Variants in CHST8 observed in about 807,000 individuals in gnomAD.
CHST8 encodes GALNAC-4-ST1.
Under a neutral mutation model 15.0 loss-of-function variants are expected in CHST8, and 10 were observed. That is an observed-to-expected ratio of 0.67 (90% confidence interval 0.41 to 1.13). CHST8 has a LOEUF of 1.13. Among genes scored for constraint, CHST8 ranks in the 50% most tolerant of loss-of-function variants. The pLI is 0.00. For synonymous variants in CHST8, 259 were observed against 256.6 expected, an observed-to-expected ratio of 1.01 and a Z score of -0.09; for missense variants, 634 against 608.2, an observed-to-expected ratio of 1.04 and a Z score of -0.45.
At chr19:33,705,622 G>A (rs918007973) in intron 3 of CHST8, among the ~76,000 whole-genome samples, 10 of 152,206 alleles carry the variant, frequency 6.6e-5, no homozygotes, top group Non-Finnish European at 4.4e-5. Context: ...GTGGGTGCCC[G>A]TGGGTGTAAA....
chr19:33,757,573 A>G (rs558977636), intron 3 of CHST8, among the ~76,000 whole-genome samples: 3 of 141,584 alleles, frequency 2.1e-5, no homozygotes, highest in Non-Finnish European at 4.6e-5. Flanking sequence ...AGAAAGAAAG[A>G]AAGAAAGAAA....
At position 33,722,097 on chromosome 19, in the gene CHST8, AT is replaced by A. The variant is rs1317685972; in HGVS notation, c.130+32707del. Among the ~76,000 whole-genome samples, 104 of 148,776 alleles carry A rather than the reference AT, an allele frequency of 7.0e-4. 2 individuals are homozygous for A. Among genetic ancestry groups the A allele is most frequent in the African/African-American group, 2.4e-3 (97 of 39,752 alleles). On this transcript the variant is annotated intron_variant, in intron 3 of 4. Transcript: ENST00000650847. Reference sequence around the variant, plus strand: ...GATGGATGGATGGATGGATGGATGGATGGATGGATGGATGAAGGGATGGATG... The same window carrying A: ...GATGGATGGATGGATGGATGGATGGAGGATGGATGGATGAAGGGATGGATG...
chr19:33,642,098 C>T (rs759792744), intron 1 of CHST8, among the ~76,000 whole-genome samples: 1 of 152,214 alleles, frequency 6.6e-6, no homozygotes, highest in Non-Finnish European at 1.5e-5. Context: ...ACCAAGACCA[C>T]AGGCCATGGC....
At chr19:33,643,187 C>T (rs574247505) in intron 1 of CHST8, among the ~76,000 whole-genome samples, 2 of 152,236 alleles carry the variant, frequency 1.3e-5, no homozygotes, top group South Asian at 2.1e-4. Context: ...AAAGACCAAG[C>T]GGTGCGTGAG....
intron 3 of CHST8, among the ~76,000 whole-genome samples, chr19:33,713,647 C>T (rs935791353): frequency 3.3e-5 from 5 of 152,018 alleles, no homozygotes; most frequent in African/African-American, 1.2e-4. Flanking sequence ...CTCACTGCAA[C>T]CTCCAACTCC....
chr19:33,657,151 AC>A lies in CHST8; in HGVS notation c.-163-10615del, dbSNP rs1972518782. 4.1e-5 allele frequency among the ~76,000 whole-genome samples: 6 copies of A among 147,702 alleles called. No homozygotes were observed. The South Asian group carries it at 8.5e-4, about 21-fold the overall frequency. The stretch of plus-strand genomic sequence containing the variant: ...TACACACACACACACACACACACAC[AC>A]ACACAAACACACATATACTTATACA... On this transcript the variant is annotated intron_variant, in intron 1 of 4. Coordinates refer to ENST00000650847, the MANE Select transcript of CHST8 (RefSeq NM_001127895.2).
intron 3 of CHST8, among the ~76,000 whole-genome samples, chr19:33,755,405 A>T (rs1344880234): frequency 6.6e-6 from 1 of 152,238 alleles, no homozygotes; most frequent in Non-Finnish European, 1.5e-5. Context: ...TCCTCCGGAC[A>T]TAAATCAAGT....
chr19:33,772,222 G>T lies in CHST8; in HGVS notation c.434G>T (p.Arg145Leu), dbSNP rs537215132. 1.9e-6 allele frequency: 3 copies of T among 1,595,696 alleles called. No individual in the cohort carries two copies. In the South Asian group the frequency reaches 3.3e-5, roughly 18 times the overall value. ...IRPGPGTLDGRWVSLHRSQQE... is the reference protein window; with the variant it reads ...IRPGPGTLDGLWVSLHRSQQE... ...CCGGGACCCGGGACGCTGGATGGCC[G>T]CTGGGTCAGCCTGCACCGGAGCCAG... Residue 145 changes from arginine to leucine, a missense_variant, in exon 5 of 5, where the codon CGC becomes CTC. Coordinates refer to ENST00000650847, the MANE Select transcript of CHST8 (RefSeq NM_001127895.2).
intron 3 of CHST8, among the ~76,000 whole-genome samples, chr19:33,704,685 G>A (rs796877032): frequency 7.2e-5 from 11 of 152,234 alleles, no homozygotes; most frequent in African/African-American, 2.2e-4. Flanking sequence ...CGAAGCAGGC[G>A]GATCACTTGA....
At position 33,757,446 on chromosome 19, in the gene CHST8, G is replaced by T. The variant is rs558327475; in HGVS notation, c.131-13967G>T. ...AGAAAGAAAGAAAGAAAGAAAGAAA[G>T]AAAGAAAGAAAGAAAGAAAGAAAGA... On this transcript the variant is annotated intron_variant, in intron 3 of 4. Transcript: ENST00000650847. Among the ~76,000 whole-genome samples, 119 of 27,092 alleles carry T rather than the reference G, an allele frequency of 4.4e-3. 20 individuals are homozygous for T. Among genetic ancestry groups the T allele is most frequent in the South Asian group, 8.0e-3 (6 of 748 alleles). 17.8% of individuals were successfully genotyped at this position (27,092 alleles called of 152,430 possible).
intron 2 of CHST8, among the ~76,000 whole-genome samples, chr19:33,674,557 A>G (rs1430539845): frequency 6.6e-6 from 1 of 152,192 alleles, no homozygotes; most frequent in African/African-American, 2.4e-5. Context: ...AGGTCTTTCC[A>G]TCACTAATGA....
intron 3 of CHST8, among the ~76,000 whole-genome samples, chr19:33,733,871 T>C (rs1974036463): frequency 6.6e-6 from 1 of 152,140 alleles, no homozygotes; most frequent in Non-Finnish European, 1.5e-5. Flanking sequence ...CCACACACCA[T>C]CATAACTGCA....
chr19:33,752,868 G>A (rs966114939), intron 3 of CHST8, among the ~76,000 whole-genome samples: 20 of 152,236 alleles, frequency 1.3e-4, no homozygotes, highest in Admixed American at 1.2e-3. Context: ...AAAGGTTTCA[G>A]AATTAGTGTT....
intron 3 of CHST8, among the ~76,000 whole-genome samples, chr19:33,690,351 T>TA (rs1973077647): frequency 4.0e-5 from 6 of 150,864 alleles, no homozygotes; most frequent in African/African-American, 1.5e-4. Flanking sequence ...GGCAGAGGGG[T>TA]TGCTGCGTAA....
At chr19:33,750,140 G>A (rs977967618) in intron 3 of CHST8, among the ~76,000 whole-genome samples, 11 of 152,226 alleles carry the variant, frequency 7.2e-5, no homozygotes, top group African/African-American at 2.4e-4. Context: ...GAACCCAAGA[G>A]AGGAGGGTGA....
intron 3 of CHST8, among the ~76,000 whole-genome samples, chr19:33,728,801 G>T (rs530054862): frequency 6.6e-6 from 1 of 152,324 alleles, no homozygotes; most frequent in South Asian, 2.1e-4. Context: ...AGGCCTGTGA[G>T]CCCAGGGCAG....
chr19:33,771,896 T>C (rs1004259233), intron 4 of CHST8, 61 bp from the exon 5 acceptor site: 13 of 1,511,476 alleles, frequency 8.6e-6, no homozygotes, highest in Admixed American at 2.3e-5. Flanking sequence ...GCCTGACCTG[T>C]GTGGCCCTCA....
intron 1 of CHST8, among the ~76,000 whole-genome samples, chr19:33,639,454 A>G (rs555101078): frequency 6.6e-6 from 1 of 152,222 alleles, no homozygotes; most frequent in African/African-American, 2.4e-5. Context: ...CCTTGTAACC[A>G]TAACAGGTCC....
intron 3 of CHST8, among the ~76,000 whole-genome samples, chr19:33,699,942 C>T (rs1973299354): frequency 6.6e-6 from 1 of 152,200 alleles, no homozygotes; most frequent in Non-Finnish European, 1.5e-5. Context: ...CTCAACAGCT[C>T]ACCCAAAGGA....
Sources: allele counts gnomAD v4.1 joint callset (sites outside exome capture counted in the v4.1 genomes callset), GRCh38; gene constraint gnomAD v4.1.1; transcripts MANE v1.5; gene names NCBI Gene and HGNC (gene_info 2026-07-23, HGNC 2026-07-21).